The following UBR4 variants were observed in gnomAD, a reference collection of about 807,000 sequenced individuals.
UBR4 encodes ubiquitin protein ligase E3 component n-recognin 4.
Under a neutral mutation model 575.6 loss-of-function variants are expected in UBR4, and 124 were observed. That is an observed-to-expected ratio of 0.22 (90% CI 0.19 to 0.25). The LOEUF (loss-of-function observed/expected upper bound fraction) is 0.25, where lower values mean the gene tolerates loss of function less well. Ranked by LOEUF, UBR4 falls within the 10% of genes least tolerant of loss-of-function variation. UBR4 has a pLI of 1.00. For synonymous variants in UBR4, 2,455 were observed against 2,473.7 expected (o/e 0.99, Z 0.22); for missense variants, 4,818 against 6,478.8 (o/e 0.74, Z 8.80).
At chr1:19,179,357 T>A in intron 17 of UBR4, 137 bp from the exon 18 acceptor site, 1 of 975,168 alleles carries the variant, frequency 1.0e-6, no homozygotes, top group South Asian at 2.9e-5. Flanking sequence ...GAAATTCAGA[T>A]TTTGGAATAG....
rs760532581 is a variant in UBR4 at position 19,112,911 on chromosome 1, TAAG to T, written c.11458-47_11458-45del. 12 of 1,509,204 alleles carry T rather than the reference TAAG, an allele frequency of 8.0e-6. No homozygotes were observed. In the Admixed American group the frequency reaches 1.8e-4, roughly 23 times the overall value. The allele number at this position is 1,509,204 out of a possible 1,614,324, so 93.5% of individuals were successfully genotyped here. A position where few individuals can be genotyped will look rare whatever the true frequency, so the allele number is the denominator to read the frequency against. On this transcript the variant is annotated intron_variant, in intron 77 of 105. Coordinates refer to ENST00000375254, the MANE Select transcript of UBR4 (RefSeq NM_020765.3). Reference sequence around the variant, plus strand: ...CAATAATGGGAATTAGCAATTAAAATAAGAAGAGGATGTTAATTAGAAAATTAG... The same window carrying T: ...CAATAATGGGAATTAGCAATTAAAATAAGAGGATGTTAATTAGAAAATTAG...
chr1:19,081,284 T>C (rs1465943958), intron 103 of UBR4, 65 bp downstream of exon 103: 2 of 1,417,474 alleles, frequency 1.4e-6, no homozygotes, highest in Non-Finnish European at 1.9e-6. Flanking sequence ...TGCGTACCAC[T>C]AAGCAGCTTT....
At chr1:19,096,872 CT>C (rs1299614153) in intron 91 of UBR4, among the ~76,000 whole-genome samples, 2 of 152,108 alleles carry the variant, frequency 1.3e-5, no homozygotes, top group African/African-American at 4.8e-5. Context: ...AAATTACTTA[CT>C]CAAATGTCAA....
At chr1:19,161,445 C>T in intron 37 of UBR4, 144 bp downstream of exon 37, 1 of 1,202,058 alleles carries the variant, frequency 8.3e-7, no homozygotes, top group Non-Finnish European at 1.2e-6. Context: ...CCTTAGGCCA[C>T]AACTGTGCAG....
At chr1:19,140,618 G>T (rs1445363012) in intron 58 of UBR4, among the ~76,000 whole-genome samples, 170 bp downstream of exon 58, 2 of 152,184 alleles carry the variant, frequency 1.3e-5, no homozygotes, top group Non-Finnish European at 2.9e-5. Context: ...TGCGCGGCGG[G>T]GCCGAGCCAC....
intron 1 of UBR4, 92 bp downstream of exon 1, chr1:19,209,981 C>A: frequency 7.2e-7 from 1 of 1,389,390 alleles, no homozygotes; most frequent in Admixed American, 3.0e-5. Flanking sequence ...CTCAAGGGGG[C>A]AGGGGGCGGC....
At position 19,122,960 on chromosome 1, in the gene UBR4, A is replaced by G; in HGVS notation, c.9689T>C (p.Leu3230Ser). 6.2e-7 allele frequency: 1 copy of G among 1,614,238 alleles called. No individual in the cohort carries two copies. The highest frequency in any genetic ancestry group is 8.5e-7 in the Non-Finnish European group (1 of 1,180,040). The change falls in exon 66 of 106, where the codon TTG becomes TCG. Residue 3230 changes from leucine (L) to serine (S), a missense_variant. Physicochemically the swap from Leu to Ser is moderately radical, Grantham distance 145 (BLOSUM62 -2). Around this residue, in one of 29 missense-constraint regions of UBR4, gnomAD observed 550 missense variants for 791.5 expected, o/e 0.69. Coordinates refer to ENST00000375254, the MANE Select transcript of UBR4 (RefSeq NM_020765.3). ...ACGCACGTGAGAGTCCAGGGTGTGC[A>G]AATCCCGGAGCTGGCGGTACTTCTC... is the stretch of plus-strand genomic sequence containing the variant. Reference protein sequence around the residue: ...SKEKYRQLRDLHTLDSHVRGI... With the variant: ...SKEKYRQLRDSHTLDSHVRGI...
intron 63 of UBR4, among the ~76,000 whole-genome samples, chr1:19,127,282 C>T (rs1222583798): frequency 6.6e-6 from 1 of 152,202 alleles, no homozygotes; most frequent in Non-Finnish European, 1.5e-5. Flanking sequence ...ACACACATTG[C>T]TTTCTCTCTG....
At position 19,088,410 on chromosome 1, in the gene UBR4, T is replaced by C. The variant is rs2077215413; in HGVS notation, c.14430+349A>G. On this transcript the variant is annotated intron_variant, in intron 98 of 105. Coordinates refer to ENST00000375254, the MANE Select transcript of UBR4 (RefSeq NM_020765.3). This position sits in a 1 kb window ranked among gnomAD's most constrained non-coding sequence, Gnocchi z 4.0. ...GTCAACCACTTATTAGTTATGTGCC[T>C]TGGCCTATTTACTTCACCTCTCAGT... 6.6e-6 allele frequency among the ~76,000 whole-genome samples: 1 copy of C among 152,242 alleles called. No individual in the cohort carries two copies. Among genetic ancestry groups the C allele is most frequent in the Admixed American group, 6.5e-5 (1 of 15,288 alleles).
chr1:19,192,685 C>T, intron 9 of UBR4, 145 bp from the exon 10 acceptor site: 1 of 852,424 alleles, frequency 1.2e-6, no homozygotes, highest in Non-Finnish European at 1.9e-6. Flanking sequence ...TTGACCTTCA[C>T]ATGGAGCTGA....
At chr1:19,176,522 CA>C in intron 20 of UBR4, 69 bp downstream of exon 20, 3 of 1,570,488 alleles carry the variant, frequency 1.9e-6, no homozygotes, top group Non-Finnish European at 2.6e-6. Flanking sequence ...CAAGAGTCCC[CA>C]AGCTTCAAAT....
chr1:19,087,643 T>C (rs1224634247), intron 99 of UBR4, among the ~76,000 whole-genome samples, 173 bp downstream of exon 99: 1 of 152,242 alleles, frequency 6.6e-6, no homozygotes, highest in Non-Finnish European at 1.5e-5. Flanking sequence ...AAAGTTCGGA[T>C]GAGCTCGCCT....
At chr1:19,134,689 C>T (rs1452173760) in intron 60 of UBR4, among the ~76,000 whole-genome samples, 7 of 151,606 alleles carry the variant, frequency 4.6e-5, no homozygotes, top group African/African-American at 1.7e-4. Flanking sequence ...TGGGGAAGGT[C>T]TTCATTTTTT....
chr1:19,084,789 G>A, intron 101 of UBR4, 91 bp from the exon 102 acceptor site: 1 of 1,259,668 alleles, frequency 7.9e-7, no homozygotes, highest in South Asian at 1.5e-5. Flanking sequence ...GTACTCCCAG[G>A]CCTGATGGCT....
At chr1:19,075,876 T>C (rs983140330) in intron 105 of UBR4, among the ~76,000 whole-genome samples, 3 of 152,210 alleles carry the variant, frequency 2.0e-5, no homozygotes, top group Non-Finnish European at 4.4e-5. Flanking sequence ...CTTTATACTT[T>C]ACAAAATTCC....
intron 58 of UBR4, among the ~76,000 whole-genome samples, 166 bp downstream of exon 58, chr1:19,140,622 G>A (rs930246561): frequency 2.6e-5 from 4 of 152,166 alleles, no homozygotes; most frequent in African/African-American, 7.2e-5. Context: ...CGGCGGGGCC[G>A]AGCCACAGCA....
In UBR4 at chr1:19,117,292, G is replaced by C; in HGVS notation, c.10752C>G (p.Thr3584=). The change falls in exon 73 of 106, where the codon ACC becomes ACG. Residue 3584 remains threonine, a synonymous_variant. Transcript: ENST00000375254. This position sits in a 1 kb window ranked among gnomAD's most constrained non-coding sequence, Gnocchi z 4.0. ...ACAGGTTGATGGTCCGCACCATCTT[G>C]GTCCGTTTCAGATCCCCGATTTTCA... ...VTVKIGDLKR[T]KMVRTINLYY... is the part of the protein sequence containing the mutation. 6.2e-7 allele frequency: 1 copy of C among 1,614,154 alleles called. No homozygotes were observed. The highest frequency in any genetic ancestry group is 1.7e-5 in the Admixed American group (1 of 60,022).
chr1:19,114,849 C>T lies in UBR4; in HGVS notation c.11164G>A (p.Ala3722Thr). ...DFMLYAKPCCAVDPIENEEDR... is the reference protein window; with the variant it reads ...DFMLYAKPCCTVDPIENEEDR... ...TCTTCATTCTCAATGGGATCCACTG[C>T]ACAGCAAGGCTTGGCATAGAGCATG... The change falls in exon 75 of 106, where the codon GCA (alanine) becomes ACA (threonine). Residue 3722 changes from alanine (A) to threonine (T), a missense_variant. Transcript: ENST00000375254. 6.2e-7 allele frequency: 1 copy of T among 1,614,222 alleles called. No individual in the cohort carries two copies. Among genetic ancestry groups the T allele is most frequent in the Non-Finnish European group, 8.5e-7 (1 of 1,180,038 alleles).
At position 19,197,255 on chromosome 1, in the gene UBR4, A is replaced by G. The variant is rs780946134; in HGVS notation, c.904T>C (p.Leu302=). 1 of 1,614,180 alleles carries G rather than the reference A, an allele frequency of 6.2e-7. No individual in the cohort carries two copies. The highest frequency in any genetic ancestry group is 1.7e-4 in the Middle Eastern group (1 of 6,060). Residue 302 remains leucine (L), a synonymous_variant, in exon 8 of 106, where the codon TTG becomes CTG. Coordinates refer to ENST00000375254, the MANE Select transcript of UBR4 (RefSeq NM_020765.3). Reference sequence around the variant, plus strand: ...AATGCCATAGTTACATCAATCACCAATGAATGAAAGCTGGAACATGACAGA... The same window carrying G: ...AATGCCATAGTTACATCAATCACCAGTGAATGAAAGCTGGAACATGACAGA... ...ATAVRNGFHS[L]VIDVTMALDT...
Sources: allele counts gnomAD v4.1 joint callset (sites outside exome capture counted in the v4.1 genomes callset), GRCh38; gene constraint gnomAD v4.1.1; regional missense constraint gnomAD v4.1.1; non-coding constraint Gnocchi (gnomAD v3.1); transcripts MANE v1.5; gene names NCBI Gene and HGNC (gene_info 2026-07-23, HGNC 2026-07-21).